SMIM14: variants seen among roughly 807,000 people sequenced by gnomAD.
The protein encoded by SMIM14 is chromosome 4 open reading frame 34.
In SMIM14, 5 loss-of-function variants were observed where a neutral mutation model predicts 12.6. The observed-to-expected ratio is 0.40, with a 90% CI of 0.21 to 0.83. SMIM14 has a LOEUF of 0.83. Ranked by LOEUF, SMIM14 falls within the 40% of genes least tolerant of loss-of-function variation. SMIM14 has a pLI of 0.37. For missense variants in SMIM14, 86 were observed against 119.1 expected, an observed-to-expected ratio of 0.72 and a Z score of 1.29; for synonymous variants, 30 against 40.1, an observed-to-expected ratio of 0.75 and a Z score of 0.95.
In SMIM14 at chr4:39,558,122, T is replaced by C. The variant is rs1712110448; in HGVS notation, c.125-1552A>G. ...GCCTAGCACAGTGCCTGACCCATGA[T>C]ATGAGGTTAACAAATTTCTAATAAA... On this transcript the variant is annotated intron_variant, in intron 3 of 4. Coordinates refer to ENST00000295958, the MANE Select transcript of SMIM14 (RefSeq NM_174921.3). The surrounding 1 kb of genome is among the most constrained non-coding windows in gnomAD (Gnocchi z 4.3). Among the ~76,000 whole-genome samples, 2 of 152,142 alleles carry C rather than the reference T, an allele frequency of 1.3e-5. No homozygotes were observed. Among genetic ancestry groups the C allele is most frequent in the Admixed American group, 6.5e-5 (1 of 15,268 alleles).
intron 1 of SMIM14, among the ~76,000 whole-genome samples, chr4:39,622,054 A>G (rs1000013776): frequency 6.6e-6 from 1 of 152,036 alleles, no homozygotes; most frequent in Non-Finnish European, 1.5e-5. Context: ...AGGGCATAAA[A>G]ATAAACATAG....
intron 1 of SMIM14, among the ~76,000 whole-genome samples, chr4:39,626,887 A>G (rs1715722505): frequency 6.6e-6 from 1 of 152,120 alleles, no homozygotes; most frequent in Non-Finnish European, 1.5e-5. Flanking sequence ...GGTGGCCACC[A>G]TTTTTCTAGA....
intron 1 of SMIM14, among the ~76,000 whole-genome samples, chr4:39,624,233 A>AT (rs756971569): frequency 2.0e-5 from 3 of 152,200 alleles, no homozygotes; most frequent in Non-Finnish European, 2.9e-5. Context: ...CACCTAGTTT[A>AT]TGTTCTAATG....
At chr4:39,634,834 G>A (rs561099446) in intron 1 of SMIM14, among the ~76,000 whole-genome samples, 3 of 151,398 alleles carry the variant, frequency 2.0e-5, no homozygotes, top group East Asian at 3.9e-4. Flanking sequence ...ACTTTTCCAT[G>A]GGAAAAAAAA....
At chr4:39,637,702 C>G (rs779193935) in intron 1 of SMIM14, among the ~76,000 whole-genome samples, 3 of 152,182 alleles carry the variant, frequency 2.0e-5, no homozygotes, top group Non-Finnish European at 2.9e-5. Context: ...CTAAAGGAAT[C>G]TGCGCGGCCA....
intron 2 of SMIM14, among the ~76,000 whole-genome samples, chr4:39,581,533 T>TTTTTTTTTTTA (rs1713495180): frequency 1.3e-5 from 2 of 150,130 alleles, no homozygotes; most frequent in Non-Finnish European, 3.0e-5. Flanking sequence ...TTTTTTTTTT[T>TTTTTTTTTTTA]GAGACAGGGT....
chr4:39,554,732 A>G (rs1302019058), intron 4 of SMIM14, among the ~76,000 whole-genome samples: 1 of 146,570 alleles, frequency 6.8e-6, no homozygotes, highest in Non-Finnish European at 1.5e-5. Context: ...ATTTAAATTG[A>G]CAAATAAAAA....
intron 1 of SMIM14, among the ~76,000 whole-genome samples, chr4:39,614,809 C>A (rs1013909610): frequency 2.6e-5 from 4 of 152,142 alleles, no homozygotes; most frequent in Non-Finnish European, 5.9e-5. Context: ...TCAAACAATT[C>A]TTAGCACAGA....
intron 1 of SMIM14, among the ~76,000 whole-genome samples, chr4:39,626,863 A>C (rs1373268903): frequency 1.3e-5 from 2 of 152,174 alleles, no homozygotes; most frequent in African/African-American, 4.8e-5. Flanking sequence ...GATTCTGTTA[A>C]GATTCATCCC....
intron 2 of SMIM14, among the ~76,000 whole-genome samples, chr4:39,602,057 T>C (rs1334833546): frequency 6.7e-6 from 1 of 150,164 alleles, no homozygotes; most frequent in African/African-American, 2.5e-5. Context: ...AAGACCAGCC[T>C]GGGCAACATG....
chr4:39,601,912 A>G (rs1714628669), intron 2 of SMIM14, among the ~76,000 whole-genome samples: 1 of 148,242 alleles, frequency 6.7e-6, no homozygotes, highest in African/African-American at 2.5e-5. Context: ...ACACCACTGC[A>G]TTTCAGCCTG....
At chr4:39,619,222 T>C (rs1715346386) in intron 1 of SMIM14, among the ~76,000 whole-genome samples, 1 of 141,722 alleles carries the variant, frequency 7.1e-6, no homozygotes, top group Non-Finnish European at 1.5e-5. Context: ...AAATATAATT[T>C]ATTCTATATA....
intron 1 of SMIM14, chr4:39,638,335 TGAGG>T: frequency 4.6e-6 from 2 of 435,196 alleles, no homozygotes; most frequent in Non-Finnish European, 6.1e-6. Flanking sequence ...CAGAAAGGGC[TGAGG>T]GAGACGGTAA....
chr4:39,594,347 C>T (rs1483581358), intron 2 of SMIM14: 2 of 152,148 alleles, frequency 1.3e-5, no homozygotes, highest in African/African-American at 2.4e-5. Context: ...ACTGGCTAGC[C>T]ATATGTAGAA....
chr4:39,576,023 A>G (rs939266043), intron 2 of SMIM14, among the ~76,000 whole-genome samples: 1 of 151,398 alleles, frequency 6.6e-6, no homozygotes, highest in Non-Finnish European at 1.5e-5. Flanking sequence ...CCTACCAAGT[A>G]GTTGGGATTA....
intron 2 of SMIM14, among the ~76,000 whole-genome samples, chr4:39,596,414 A>G (rs999766489): frequency 2.6e-5 from 4 of 152,078 alleles, no homozygotes; most frequent in African/African-American, 9.7e-5. Flanking sequence ...GTGCTTTTTA[A>G]GGTGCTTAAA....
At chr4:39,556,342 G>A in intron 4 of SMIM14, 86 bp downstream of exon 4, 1 of 1,206,998 alleles carries the variant, frequency 8.3e-7, no homozygotes, top group Non-Finnish European at 1.2e-6. Flanking sequence ...ACTAATTTAG[G>A]TGTTTTAGTC....
At chr4:39,634,518 A>C (rs978302131) in intron 1 of SMIM14, among the ~76,000 whole-genome samples, 5 of 152,230 alleles carry the variant, frequency 3.3e-5, no homozygotes, top group African/African-American at 1.2e-4. Flanking sequence ...TTTGCAGTTA[A>C]ATGAAAACAT....
intron 2 of SMIM14, among the ~76,000 whole-genome samples, chr4:39,602,530 C>T (rs866466387): frequency 6.6e-5 from 10 of 151,822 alleles, no homozygotes; most frequent in East Asian, 3.9e-4. Flanking sequence ...AGGAGGCAGA[C>T]GTTGCAGTGA....
Sources: gnomAD v4.1 joint callset for allele counts (sites outside exome capture counted in the v4.1 genomes callset) on GRCh38, gnomAD v4.1.1 for gene constraint, Gnocchi (gnomAD v3.1) non-coding constraint, MANE v1.5 for transcripts, NCBI Gene and HGNC (gene_info 2026-07-23, HGNC 2026-07-21) for gene names.